CDH13: variants seen among roughly 807,000 people sequenced by gnomAD.
CDH13 encodes cadherin-13.
In CDH13, 24 loss-of-function variants were observed where a neutral mutation model predicts 63.8. The ratio of observed to expected loss-of-function variants is 0.38; its 90% CI spans 0.27 to 0.53. The LOEUF is 0.53. Among genes scored for constraint, CDH13 ranks in the 20% least tolerant of loss-of-function variants. CDH13 has a pLI of 0.85. For synonymous variants in CDH13, 503 were observed against 355.3 expected (o/e 1.42, Z -4.67); for missense variants, 1,049 against 903.1 (o/e 1.16, Z -2.07).
chr16:83,721,789 C>A (rs1219579299), intron 10 of CDH13: 5 of 152,244 alleles, frequency 3.3e-5, no homozygotes, highest in African/African-American at 1.2e-4. Flanking sequence ...GCAGGGCTAG[C>A]AGGACTAGCA....
At chr16:83,676,908 C>T (rs1047599513) in intron 9 of CDH13, among the ~76,000 whole-genome samples, 3 of 152,244 alleles carry the variant, frequency 2.0e-5, no homozygotes, top group Non-Finnish European at 2.9e-5. Flanking sequence ...CCAGCATCAA[C>T]GGTCCTTATC....
intron 10 of CDH13, among the ~76,000 whole-genome samples, chr16:83,702,830 C>T (rs1009390305): frequency 6.6e-6 from 1 of 152,156 alleles, no homozygotes; most frequent in African/African-American, 2.4e-5. Flanking sequence ...GAAAACTGGC[C>T]GCTTCAGGGA....
chr16:82,840,382 G>GAAAA (rs11370711), intron 1 of CDH13, among the ~76,000 whole-genome samples: 7 of 139,436 alleles, frequency 5.0e-5, no homozygotes, highest in African/African-American at 8.0e-5. Context: ...CTCTGAAAAG[G>GAAAA]AAAAAAAAAA....
In CDH13 at chr16:83,787,548, G is replaced by A. The variant is rs547922907; in HGVS notation, c.2134+4076G>A. Among the ~76,000 whole-genome samples the A allele has an allele frequency of 7.2e-5, 11 of 152,286 alleles. No individual in the cohort carries two copies. In the East Asian group the frequency reaches 2.1e-3, roughly 29 times the overall value. On this transcript the variant is annotated intron_variant, in intron 13 of 13. Coordinates refer to ENST00000567109, the MANE Select transcript of CDH13 (RefSeq NM_001257.5). The stretch of plus-strand genomic sequence containing the variant: ...ATTTACTATGACCAACGCTACTACA[G>A]TAAGAGATCTACGTTTTCCACCAGC...
chr16:82,885,519 T>TCATCCATC (rs560468596), intron 2 of CDH13, among the ~76,000 whole-genome samples: 16 of 145,102 alleles, frequency 1.1e-4, no homozygotes, highest in African/African-American at 3.8e-4. Context: ...ATCTATCCAT[T>TCATCCATC]CATCCATCCA....
intron 5 of CDH13, among the ~76,000 whole-genome samples, chr16:83,251,564 A>G (rs923657237): frequency 2.0e-5 from 3 of 152,190 alleles, no homozygotes; most frequent in African/African-American, 7.2e-5. Flanking sequence ...TCCAATCTGG[A>G]GGTGACTGAA....
chr16:83,522,522 A>C (rs1448788938), intron 7 of CDH13, among the ~76,000 whole-genome samples: 1 of 152,192 alleles, frequency 6.6e-6, no homozygotes, highest in Non-Finnish European at 1.5e-5. Context: ...CATTTTTAAA[A>C]ATGTAACCAT....
In CDH13 at chr16:83,663,843, A is replaced by C. The variant is rs533373339; in HGVS notation, c.1102-6947A>C. 5.9e-5 allele frequency among the ~76,000 whole-genome samples: 9 copies of C among 152,226 alleles called. No homozygotes were observed. In the South Asian group the frequency reaches 1.2e-3, roughly 21 times the overall value. On this transcript the variant is annotated intron_variant, in intron 8 of 13. Transcript: ENST00000567109. ...TCCGCATCTTCAAAGAAAACAAATCATTTACAGAATTTTAATCAGATAAAG... is the reference window on the plus strand; with the variant it reads ...TCCGCATCTTCAAAGAAAACAAATCCTTTACAGAATTTTAATCAGATAAAG...
At chr16:82,894,603 C>A (rs1051223658) in intron 2 of CDH13, among the ~76,000 whole-genome samples, 16 of 152,160 alleles carry the variant, frequency 1.1e-4, no homozygotes, top group African/African-American at 3.6e-4. Flanking sequence ...GATTGTGCCA[C>A]TGCACTCCAG....
intron 1 of CDH13, among the ~76,000 whole-genome samples, chr16:82,812,473 G>T (rs2037497174): frequency 6.6e-6 from 1 of 152,130 alleles, no homozygotes. Context: ...ACAAAGATAG[G>T]AGAAAAGCCA....
intron 1 of CDH13, among the ~76,000 whole-genome samples, chr16:82,639,821 T>A (rs1909163528): frequency 6.6e-6 from 1 of 152,254 alleles, no homozygotes. Flanking sequence ...AGCGAGAGCA[T>A]GGCCTTTGCC....
At chr16:83,604,969 G>A (rs1014790100) in intron 8 of CDH13, among the ~76,000 whole-genome samples, 2 of 152,108 alleles carry the variant, frequency 1.3e-5, no homozygotes, top group African/African-American at 4.8e-5. Flanking sequence ...ATTTAACATG[G>A]ACTCTAAAGG....
At chr16:83,467,246 CT>C (rs1275790421) in intron 6 of CDH13, among the ~76,000 whole-genome samples, 1 of 152,126 alleles carries the variant, frequency 6.6e-6, no homozygotes, top group African/African-American at 2.4e-5. Context: ...ATTTTTCTTT[CT>C]TTAAAGATTG....
intron 5 of CDH13, among the ~76,000 whole-genome samples, chr16:83,294,169 A>G (rs1008731963): frequency 6.6e-6 from 1 of 152,206 alleles, no homozygotes; most frequent in African/African-American, 2.4e-5. Context: ...TAAAGTATCT[A>G]TACATTGTGG....
intron 1 of CDH13, among the ~76,000 whole-genome samples, chr16:82,828,840 A>T (rs138811057): frequency 2.3e-4 from 35 of 152,288 alleles, no homozygotes; most frequent in African/African-American, 7.9e-4. Flanking sequence ...ATATGTATAG[A>T]TTATATGCGA....
At chr16:82,632,714 ATGGTTTTG>A (rs1908163907) in intron 1 of CDH13, among the ~76,000 whole-genome samples, 1 of 71,302 alleles carries the variant, frequency 1.4e-5, no homozygotes, top group Non-Finnish European at 5.0e-5. Flanking sequence ...AATTGGGGGG[ATGGTTTTG>A]GGATGATTCA....
At chr16:83,148,318 ACATGTAGACAACATGGGTAC>A (rs1239477398) in intron 4 of CDH13, among the ~76,000 whole-genome samples, 1 of 147,634 alleles carries the variant, frequency 6.8e-6, no homozygotes, top group Admixed American at 6.6e-5. Flanking sequence ...CATGTAGACA[ACATGTAGACAACATGGGTAC>A]CATGTAGACA....
chr16:83,573,533 A>G (rs1215918987), intron 7 of CDH13, among the ~76,000 whole-genome samples: 2 of 152,188 alleles, frequency 1.3e-5, no homozygotes, highest in African/African-American at 4.8e-5. Flanking sequence ...CAATGGCGGC[A>G]CCTTTGCCCT....
chr16:83,695,347 C>G (rs879683640), intron 10 of CDH13, among the ~76,000 whole-genome samples: 4 of 152,238 alleles, frequency 2.6e-5, no homozygotes, highest in Admixed American at 2.0e-4. Flanking sequence ...GCTCCTTTTC[C>G]TCTTTGGGCC....
Sources: gnomAD v4.1 joint callset for allele counts (sites outside exome capture counted in the v4.1 genomes callset) on GRCh38, gnomAD v4.1.1 for gene constraint, MANE v1.5 for transcripts, NCBI Gene and HGNC (gene_info 2026-07-23, HGNC 2026-07-21) for gene names.